The following C2CD3 variants were observed in gnomAD, a reference collection of about 807,000 sequenced individuals.
C2CD3 encodes C2 domain containing 3 centriole elongation regulator, also known as C2 domain-containing protein 3.
In C2CD3, 148 loss-of-function variants were observed where a neutral mutation model predicts 234.0. The observed-to-expected ratio is 0.63, with a 90% CI of 0.55 to 0.72. C2CD3 has a LOEUF of 0.72. C2CD3 is among the 30% of genes least tolerant of loss of function. The pLI is 0.00. For synonymous variants in C2CD3, 1,000 were observed against 1,035.4 expected, an observed-to-expected ratio of 0.97 and a Z score of 0.66; for missense variants, 2,577 against 2,811.5, an observed-to-expected ratio of 0.92 and a Z score of 1.89.
chr11:74,151,191 TG>T (rs1351580389), intron 3 of C2CD3, among the ~76,000 whole-genome samples: 1 of 152,228 alleles, frequency 6.6e-6, no homozygotes, highest in East Asian at 1.9e-4. Context: ...CCCAAAGTGC[TG>T]GGATTACAGG....
chr11:74,141,773 T>C (rs915679718), intron 3 of C2CD3, among the ~76,000 whole-genome samples: 2 of 151,900 alleles, frequency 1.3e-5, no homozygotes, highest in African/African-American at 4.8e-5. Context: ...GGTAGGAGGA[T>C]TGCTTGAGCC....
Position 74,049,500 on chromosome 11 carries a change from G to C in C2CD3, c.5198C>G (p.Pro1733Arg). ...VIGFASVDLS[P>R]LLSGFQFVCG... is the part of the protein sequence containing the mutation. ...GACAAACTGGAAGCCAGAGAGAAGT[G>C]GGGAGAGGTCCACCGAGGCAAAGCC... is the stretch of plus-strand genomic sequence containing the variant. Residue 1733 changes from proline to arginine, a missense_variant, in exon 27 of 33, where the codon CCA becomes CGA. By Grantham distance (103) the Pro-to-Arg change is moderately radical. Transcript: ENST00000334126. 1 of 1,612,786 alleles carries C rather than the reference G, an allele frequency of 6.2e-7. No homozygotes were observed. The highest frequency in any genetic ancestry group is 8.5e-7 in the Non-Finnish European group (1 of 1,179,974).
intron 24 of C2CD3, among the ~76,000 whole-genome samples, chr11:74,061,607 A>G (rs1954253094): frequency 6.6e-6 from 1 of 152,228 alleles, no homozygotes; most frequent in Non-Finnish European, 1.5e-5. Context: ...CTGCCTTACA[A>G]GAGCTCCCAA....
In C2CD3 at chr11:74,103,310, T is replaced by G. The variant is rs766589924; in HGVS notation, c.2401A>C (p.Ser801Arg). The change falls in exon 14 of 33, where the codon AGT becomes CGT. Residue 801 changes from serine (S) to arginine (R), a missense_variant. Transcript: ENST00000334126. The part of the protein sequence containing the change: ...VNQTNGTTKE[S>R]ALLLHVLLMV... ...AACAGCACATGCAACAGCAAAGCAC[T>G]CTCTTTTGTTGTCCCATTTGTCTGA... The G allele has an allele frequency of 6.2e-7, 1 of 1,614,160 alleles. No homozygotes were observed. Among genetic ancestry groups the G allele is most frequent in the East Asian group, 2.2e-5 (1 of 44,886 alleles).
In C2CD3 at chr11:74,122,981, G is replaced by C; in HGVS notation, c.1365+7C>G. ...TAATTCTCAATGCTTCAGGTTCAGT[G>C]ACTTACAGGTGCTGTATAAAATAAA... is the stretch of plus-strand genomic sequence containing the variant. On this transcript the variant is annotated splice_region_variant and intron_variant, in intron 8 of 32. Transcript: ENST00000334126. 4 of 1,610,194 alleles carry C rather than the reference G, an allele frequency of 2.5e-6. No individual in the cohort carries two copies. Among genetic ancestry groups the C allele is most frequent in the Non-Finnish European group, 3.4e-6 (4 of 1,177,240 alleles).
In C2CD3 at chr11:74,098,119, T is replaced by C. The variant is rs950454697; in HGVS notation, c.2869A>G (p.Asn957Asp). 12 of 1,614,012 alleles carry C rather than the reference T, an allele frequency of 7.4e-6. No homozygotes were observed. In the East Asian group the frequency reaches 8.9e-5, roughly 12 times the overall value. The part of the protein sequence containing the change: ...LRVFLAMGSS[N>D]QIMALQRLKN... ...AATCTTTGTAGTGCCATTATTTGAT[T>C]TGAAGAACCCATAGCTAAAAAGACT... is the stretch of plus-strand genomic sequence containing the variant. The change falls in exon 16 of 33, where the codon AAT becomes GAT. Residue 957 changes from asparagine to aspartate, a missense_variant. Physicochemically the swap from Asn to Asp is conservative, Grantham distance 23. Coordinates refer to ENST00000334126, the MANE Select transcript of C2CD3 (RefSeq NM_001286577.2).
chr11:74,092,076 G>A (rs965129324), intron 19 of C2CD3, among the ~76,000 whole-genome samples: 1 of 150,538 alleles, frequency 6.6e-6, no homozygotes, highest in Non-Finnish European at 1.5e-5. Flanking sequence ...TTTTTGAGAC[G>A]AGTTTCGCTT....
rs936361479 is a variant in C2CD3, at chr11:74,113,947, G to A, written c.1731-55C>T. The A allele has an allele frequency of 2.4e-5, 25 of 1,061,754 alleles. No homozygotes were observed. The East Asian group carries it at 2.9e-4, about 12-fold the overall frequency. 65.8% of individuals were successfully genotyped at this position (1,061,754 alleles called of 1,614,324 possible). A position where few individuals can be genotyped will look rare whatever the true frequency, so the allele number is the denominator to read the frequency against. On this transcript the variant is annotated intron_variant, in intron 10 of 32. Coordinates refer to ENST00000334126, the MANE Select transcript of C2CD3 (RefSeq NM_001286577.2). ...TAACCAAACAATAAACCTAATTTCC[G>A]TCTGATAAATCCAACATATATTTGA...
chr11:74,085,706 C>G lies in C2CD3; in HGVS notation c.3822G>C (p.Gln1274His). 6.2e-7 allele frequency: 1 copy of G among 1,614,118 alleles called. No homozygotes were observed. The highest frequency in any genetic ancestry group is 8.5e-7 in the Non-Finnish European group (1 of 1,180,004). ...HVEFTCNLVT[Q>H]HCSGEACFLA... ...GGAAACAGGCCTCTCCACTACAGTG[C>G]TGAGTCACCAAGTTACATGTGAACT... Residue 1274 changes from glutamine (Q) to histidine (H), a missense_variant, in exon 21 of 33, where the codon CAG becomes CAC. Gln to His is a conservative substitution (Grantham distance 24). Coordinates refer to ENST00000334126, the MANE Select transcript of C2CD3 (RefSeq NM_001286577.2).
intron 24 of C2CD3, chr11:74,070,826 T>C (rs1043669084): frequency 6.6e-6 from 1 of 152,066 alleles, no homozygotes; most frequent in Non-Finnish European, 1.5e-5. Flanking sequence ...TTTTGGCCAA[T>C]GTCCCATTCT....
intron 31 of C2CD3, among the ~76,000 whole-genome samples, chr11:74,029,646 C>T (rs1000622538): frequency 3.3e-5 from 5 of 152,258 alleles, no homozygotes; most frequent in African/African-American, 1.2e-4. Flanking sequence ...AAGAACTTTG[C>T]TGTGAGGTGT....
At chr11:74,085,934 A>G in intron 20 of C2CD3, 48 bp from the exon 21 acceptor site, 1 of 1,533,606 alleles carries the variant, frequency 6.5e-7, no homozygotes. Context: ...GTAACATTAG[A>G]AATCAGCTTG....
chr11:74,027,601 A>C (rs900699856), intron 32 of C2CD3, among the ~76,000 whole-genome samples: 2 of 152,172 alleles, frequency 1.3e-5, no homozygotes, highest in African/African-American at 4.8e-5. Context: ...TCATCAGTCT[A>C]TAAATATTTT....
At chr11:74,130,156 G>A (rs1957610890) in intron 7 of C2CD3, among the ~76,000 whole-genome samples, 2 of 147,750 alleles carry the variant, frequency 1.4e-5, no homozygotes, top group Admixed American at 6.7e-5. Context: ...AGGGGAGAGG[G>A]GAGAGGGGAG....
intron 23 of C2CD3, among the ~76,000 whole-genome samples, chr11:74,076,424 T>C (rs768645874): frequency 7.9e-5 from 12 of 152,236 alleles, no homozygotes; most frequent in Non-Finnish European, 1.6e-4. Flanking sequence ...TTAAGCTGAA[T>C]AAAGATCATA....
At chr11:74,122,783 T>G (rs1469229482) in intron 8 of C2CD3, among the ~76,000 whole-genome samples, 3 of 152,236 alleles carry the variant, frequency 2.0e-5, no homozygotes, top group Non-Finnish European at 4.4e-5. Flanking sequence ...AATACTTATT[T>G]GCTATATGTT....
Position 74,033,936 on chromosome 11 carries a change from T to C in C2CD3, c.6224A>G (p.Asn2075Ser). 6.5e-7 allele frequency: 1 copy of C among 1,536,320 alleles called. No individual in the cohort carries two copies. The highest frequency in any genetic ancestry group is 8.7e-7 in the Non-Finnish European group (1 of 1,146,944). ...TTTGTCTGTCACCGTGGTGATCTCA[T>C]TTAAGGTCCTGGGCTCAATGATGTC... ...EEDIIEPRTL[N>S]EITTVTDKTS... Residue 2075 changes from asparagine (N) to serine (S), a missense_variant, in exon 31 of 33, where the codon AAT becomes AGT. Physicochemically the swap from Asn to Ser is conservative, Grantham distance 46 (BLOSUM62 1). Coordinates refer to ENST00000334126, the MANE Select transcript of C2CD3 (RefSeq NM_001286577.2).
chr11:74,033,481 T>G lies in C2CD3; in HGVS notation c.6679A>C (p.Lys2227Gln). Reference sequence around the variant, plus strand: ...TGGGAGGCTAGATTTAGCGGCAACTTCTTGAAGCTATCAGCAGAGTCACCG... The same window carrying G: ...TGGGAGGCTAGATTTAGCGGCAACTGCTTGAAGCTATCAGCAGAGTCACCG... ...ELGDSADSFK[K>Q]LPLNLASQSR... is the part of the protein sequence containing the mutation. The change falls in exon 31 of 33, where the codon AAG (lysine) becomes CAG (glutamine). Residue 2227 changes from lysine (K) to glutamine (Q), a missense_variant. Lys to Gln is a moderately conservative substitution (Grantham distance 53). Transcript: ENST00000334126. 6.5e-7 allele frequency: 1 copy of G among 1,536,164 alleles called. No homozygotes were observed. The highest frequency in any genetic ancestry group is 8.7e-7 in the Non-Finnish European group (1 of 1,146,900).
At chr11:74,111,979 T>C (rs973509012) in intron 11 of C2CD3, among the ~76,000 whole-genome samples, 7 of 147,444 alleles carry the variant, frequency 4.7e-5, no homozygotes, top group Admixed American at 6.8e-5. Context: ...CATATATATA[T>C]ACACACACAC....
Sources: allele counts gnomAD v4.1 joint callset (sites outside exome capture counted in the v4.1 genomes callset), GRCh38; gene constraint gnomAD v4.1.1; transcripts MANE v1.5; gene names NCBI Gene and HGNC (gene_info 2026-07-23, HGNC 2026-07-21).